The following DNAH7 variants were observed in gnomAD, a reference collection of about 807,000 sequenced individuals.
DNAH7 encodes the protein dynein axonemal heavy chain 7.
Under a neutral mutation model 444.6 loss-of-function variants are expected in DNAH7, and 397 were observed. The ratio of observed to expected loss-of-function variants is 0.89; its 90% CI spans 0.82 to 0.97. The LOEUF (loss-of-function observed/expected upper bound fraction) is 0.97, where lower values mean the gene tolerates loss of function less well. Ranked by LOEUF, DNAH7 falls within the 50% of genes least tolerant of loss-of-function variation. The pLI is 0.00. For missense variants in DNAH7, 4,902 were observed against 4,800.8 expected (o/e 1.02, Z -0.62); for synonymous variants, 1,636 against 1,624.4 (o/e 1.01, Z -0.17).
At chr2:195,763,704 A>G (rs944924363) in intron 61 of DNAH7, among the ~76,000 whole-genome samples, 19 of 152,058 alleles carry the variant, frequency 1.2e-4, no homozygotes, top group Non-Finnish European at 1.9e-4. Flanking sequence ...AAACAGACCA[A>G]TATCAAGTAA....
intron 61 of DNAH7, among the ~76,000 whole-genome samples, chr2:195,760,785 T>C (rs1694313232): frequency 6.6e-6 from 1 of 151,916 alleles, no homozygotes; most frequent in Non-Finnish European, 1.5e-5. Context: ...AACATCCAAG[T>C]CCCTTCAAAT....
intron 5 of DNAH7, among the ~76,000 whole-genome samples, chr2:196,045,434 A>T (rs1372271634): frequency 6.6e-6 from 1 of 152,112 alleles, no homozygotes. Flanking sequence ...AACTTCAGCA[A>T]AAAAGAAAAT....
chr2:195,802,194 G>A (rs1374210078), intron 54 of DNAH7, among the ~76,000 whole-genome samples: 1 of 152,146 alleles, frequency 6.6e-6, no homozygotes, highest in Non-Finnish European at 1.5e-5. Context: ...TTCAGGTTTT[G>A]TTTTTTGTTC....
intron 63 of DNAH7, among the ~76,000 whole-genome samples, chr2:195,753,451 G>T (rs1227814899): frequency 6.6e-6 from 1 of 152,134 alleles, no homozygotes; most frequent in African/African-American, 2.4e-5. Context: ...CTACTTGTTA[G>T]TGTCTCCCAC....
chr2:195,983,689 A>C (rs1692720365), intron 15 of DNAH7, among the ~76,000 whole-genome samples: 1 of 152,218 alleles, frequency 6.6e-6, no homozygotes, highest in Non-Finnish European at 1.5e-5. Context: ...TCAAACATAG[A>C]AGTAACATGA....
intron 58 of DNAH7, among the ~76,000 whole-genome samples, chr2:195,786,791 A>T (rs1695645984): frequency 6.6e-6 from 1 of 152,226 alleles, no homozygotes; most frequent in Non-Finnish European, 1.5e-5. Flanking sequence ...TAAATGATAT[A>T]TCATGGGTTT....
intron 61 of DNAH7, among the ~76,000 whole-genome samples, chr2:195,761,406 T>A (rs982100869): frequency 1.3e-5 from 2 of 152,034 alleles, no homozygotes; most frequent in Admixed American, 1.3e-4. Flanking sequence ...GAGATATATA[T>A]GGGAAGAAAG....
At chr2:196,003,449 A>G (rs1694172158) in intron 10 of DNAH7, among the ~76,000 whole-genome samples, 1 of 152,232 alleles carries the variant, frequency 6.6e-6, no homozygotes, top group Admixed American at 6.5e-5. Context: ...ATGACTCCCT[A>G]TTATGAATGA....
intron 2 of DNAH7, among the ~76,000 whole-genome samples, chr2:196,057,427 C>T (rs964647130): frequency 1.8e-4 from 27 of 152,038 alleles, no homozygotes; most frequent in African/African-American, 6.5e-4. Flanking sequence ...GAGAAAATGT[C>T]TATTTCATTT....
intron 22 of DNAH7, 51 bp from the exon 23 acceptor site, chr2:195,923,858 T>C (rs1688175792): frequency 6.5e-7 from 1 of 1,529,810 alleles, no homozygotes; most frequent in African/African-American, 1.4e-5. Context: ...CAAAATTATT[T>C]TGAACAAAAC....
chr2:196,013,804 C>T (rs901364432), intron 9 of DNAH7, among the ~76,000 whole-genome samples: 1 of 152,160 alleles, frequency 6.6e-6, no homozygotes, highest in Non-Finnish European at 1.5e-5. Flanking sequence ...ACATAGTAAA[C>T]ATGATCTGAT....
chr2:195,843,582 A>G (rs1450105898), intron 47 of DNAH7, among the ~76,000 whole-genome samples: 3 of 152,132 alleles, frequency 2.0e-5, no homozygotes. Flanking sequence ...CAGCTATAGG[A>G]ATTAGCTTGT....
Position 195,744,576 on chromosome 2 carries a change from C to A in DNAH7, c.11765-3707G>T, listed in dbSNP as rs868674970. 2.4e-4 allele frequency among the ~76,000 whole-genome samples: 36 copies of A among 152,336 alleles called. No individual in the cohort carries two copies. The Middle Eastern group carries it at 0.02, about 86-fold the overall frequency. ...TCAAGTGGGTCCCTGACCCCTCACC[C>A]CCGAGCAGCCTAACTGGGAGGCATC... On this transcript the variant is annotated intron_variant, in intron 63 of 64. Transcript: ENST00000312428.
In DNAH7 at chr2:195,806,622, T is replaced by C. The variant is rs76713203; in HGVS notation, c.10176+118A>G. 1,175 of 710,840 alleles carry C rather than the reference T, an allele frequency of 1.7e-3. 11 individuals are homozygous for C. The African/African-American group carries it at 0.02, about 12-fold the overall frequency. 44.0% of individuals were successfully genotyped at this position (710,840 alleles called of 1,614,324 possible). On this transcript the variant is annotated intron_variant, in intron 54 of 64. Transcript: ENST00000312428. ...ATGTCTGCATTAGAAAGAAGTGGGA[T>C]TATTTCCCGCAGGCTCCTCTACCTC...
At chr2:195,880,406 G>A (rs1252174134) in intron 36 of DNAH7, among the ~76,000 whole-genome samples, 2 of 148,944 alleles carry the variant, frequency 1.3e-5, no homozygotes, top group Non-Finnish European at 3.0e-5. Flanking sequence ...TCGGCTCACT[G>A]CAAGCTCCAC....
intron 36 of DNAH7, among the ~76,000 whole-genome samples, chr2:195,878,579 G>C (rs542513180): frequency 6.6e-6 from 1 of 152,196 alleles, no homozygotes; most frequent in Admixed American, 6.5e-5. Flanking sequence ...CAGCCTAGGG[G>C]ACAGAGCAAG....
chr2:195,869,081 T>C (rs542623814), intron 40 of DNAH7, among the ~76,000 whole-genome samples: 1 of 152,004 alleles, frequency 6.6e-6, no homozygotes, highest in East Asian at 1.9e-4. Flanking sequence ...CACAGACTAT[T>C]TGAATGGTGA....
chr2:195,829,069 G>GA (rs1314128154), intron 48 of DNAH7, among the ~76,000 whole-genome samples: 1 of 152,128 alleles, frequency 6.6e-6, no homozygotes, highest in Non-Finnish European at 1.5e-5. Flanking sequence ...TGGTTTTTCT[G>GA]AAAAGTTTGT....
intron 35 of DNAH7, among the ~76,000 whole-genome samples, chr2:195,882,204 C>T (rs1701427607): frequency 6.6e-6 from 1 of 152,150 alleles, no homozygotes; most frequent in South Asian, 2.1e-4. Context: ...AATGAAACAG[C>T]AATACTGTGG....
Sources: gnomAD v4.1 joint callset for allele counts (sites outside exome capture counted in the v4.1 genomes callset) on GRCh38, gnomAD v4.1.1 for gene constraint, MANE v1.5 for transcripts, NCBI Gene and HGNC (gene_info 2026-07-23, HGNC 2026-07-21) for gene names.